NEGR1: variants seen among roughly 807,000 people sequenced by gnomAD.
NEGR1 encodes neuronal growth regulator 1.
In NEGR1, 10 loss-of-function variants were observed where a neutral mutation model predicts 40.9. The observed-to-expected ratio is 0.24, with a 90% CI of 0.15 to 0.42. The LOEUF (loss-of-function observed/expected upper bound fraction) is 0.42, where lower values mean the gene tolerates loss of function less well. Among genes scored for constraint, NEGR1 ranks in the 10% least tolerant of loss-of-function variants. The pLI, the probability that NEGR1 is intolerant of heterozygous loss-of-function variation, is 1.00. For missense variants in NEGR1, 352 were observed against 438.9 expected (o/e 0.80, Z 1.77); for synonymous variants, 185 against 166.8 (o/e 1.11, Z -0.84).
At position 72,053,244 on chromosome 1, in the gene NEGR1, G is replaced by C. The variant is rs528505353; in HGVS notation, c.177-117933C>G. Among the ~76,000 whole-genome samples the C allele has an allele frequency of 2.0e-5, 3 of 151,036 alleles. No homozygotes were observed. The South Asian group carries it at 6.3e-4, about 31-fold the overall frequency. Reference sequence around the variant, plus strand: ...TTTTTTTTAGGAGCCTGTGTTTGTAGGGCTCCCAGCAATGTGGAAAGACAT... The same window carrying C: ...TTTTTTTTAGGAGCCTGTGTTTGTACGGCTCCCAGCAATGTGGAAAGACAT... On this transcript the variant is annotated intron_variant, in intron 1 of 6. Transcript: ENST00000357731.
intron 6 of NEGR1, among the ~76,000 whole-genome samples, chr1:71,492,336 C>A (rs1368947341): frequency 4.6e-5 from 7 of 151,988 alleles, no homozygotes; most frequent in Non-Finnish European, 1.0e-4. Flanking sequence ...ATGGAAACTT[C>A]TGAACCATTT....
At chr1:72,175,655 T>C (rs1333953503) in intron 1 of NEGR1, among the ~76,000 whole-genome samples, 1 of 151,954 alleles carries the variant, frequency 6.6e-6, no homozygotes, top group Non-Finnish European at 1.5e-5. Context: ...GGTGTATGTT[T>C]CAAGCATGTG....
chr1:72,220,748 G>A (rs547762345), intron 1 of NEGR1, among the ~76,000 whole-genome samples: 4 of 152,080 alleles, frequency 2.6e-5, no homozygotes, highest in African/African-American at 9.6e-5. Flanking sequence ...AGCTAGTTTG[G>A]AAATGAACTA....
chr1:71,572,281 G>C (rs979817420), intron 6 of NEGR1, among the ~76,000 whole-genome samples: 2 of 152,180 alleles, frequency 1.3e-5, no homozygotes, highest in Non-Finnish European at 2.9e-5. Flanking sequence ...AAAGCAGGCT[G>C]TTGAGATTCT....
intron 1 of NEGR1, among the ~76,000 whole-genome samples, chr1:72,273,845 C>T (rs1192031295): frequency 6.7e-6 from 1 of 150,088 alleles, no homozygotes; most frequent in Non-Finnish European, 1.5e-5. Flanking sequence ...AAAAAAAAAA[C>T]ACTTAAATAC....
chr1:71,803,801 C>G (rs1657651502), intron 2 of NEGR1, among the ~76,000 whole-genome samples: 1 of 152,050 alleles, frequency 6.6e-6, no homozygotes, highest in Non-Finnish European at 1.5e-5. Flanking sequence ...GTTTCTTGTC[C>G]CTTCTTACTA....
chr1:72,150,492 T>G (rs1651079616), intron 1 of NEGR1, among the ~76,000 whole-genome samples: 1 of 152,190 alleles, frequency 6.6e-6, no homozygotes, highest in South Asian at 2.1e-4. Flanking sequence ...CAAACCAAAC[T>G]AAATGAGTTT....
At chr1:71,982,707 T>C (rs1189548665) in intron 1 of NEGR1, among the ~76,000 whole-genome samples, 1 of 152,082 alleles carries the variant, frequency 6.6e-6, no homozygotes, top group Non-Finnish European at 1.5e-5. Flanking sequence ...GAAACTCAAA[T>C]AGAGGGATAG....
At chr1:71,477,702 A>C (rs1646830259) in intron 6 of NEGR1, among the ~76,000 whole-genome samples, 1 of 152,012 alleles carries the variant, frequency 6.6e-6, no homozygotes, top group African/African-American at 2.4e-5. Flanking sequence ...GGTTTGTAGA[A>C]GGTAAATCTC....
chr1:71,952,957 G>GAAAA (rs3061534), intron 1 of NEGR1, among the ~76,000 whole-genome samples: 13 of 123,856 alleles, frequency 1.0e-4, no homozygotes, highest in African/African-American at 3.7e-4. Context: ...TACTGCTCAG[G>GAAAA]AAAAAAAAAA....
intron 6 of NEGR1, among the ~76,000 whole-genome samples, chr1:71,523,746 G>A (rs1647181311): frequency 6.6e-6 from 1 of 151,778 alleles, no homozygotes; most frequent in Admixed American, 6.6e-5. Flanking sequence ...GGGTTAAATA[G>A]GAAGCTTCTT....
intron 4 of NEGR1, among the ~76,000 whole-genome samples, chr1:71,659,288 C>T (rs962869064): frequency 1.3e-5 from 2 of 152,056 alleles, no homozygotes; most frequent in East Asian, 1.9e-4. Flanking sequence ...AAACTCAGAC[C>T]GCTCTTCAAT....
intron 1 of NEGR1, among the ~76,000 whole-genome samples, chr1:71,945,487 T>C (rs770642022): frequency 6.6e-6 from 1 of 152,188 alleles, no homozygotes; most frequent in Non-Finnish European, 1.5e-5. Context: ...AGCAAAACTT[T>C]ATTTTTCTAT....
intron 6 of NEGR1, among the ~76,000 whole-genome samples, chr1:71,502,070 T>A (rs1479267818): frequency 6.6e-6 from 1 of 152,082 alleles, no homozygotes; most frequent in African/African-American, 2.4e-5. Context: ...TTTGGTCATG[T>A]AAGAAAACAT....
intron 1 of NEGR1, among the ~76,000 whole-genome samples, chr1:71,948,073 C>T (rs921633435): frequency 1.4e-4 from 21 of 152,086 alleles, no homozygotes; most frequent in African/African-American, 4.3e-4. Context: ...CTGAAGAACA[C>T]GGACTTTTAA....
chr1:71,534,388 C>T (rs919382246), intron 6 of NEGR1, among the ~76,000 whole-genome samples: 4 of 151,588 alleles, frequency 2.6e-5, no homozygotes, highest in African/African-American at 4.8e-5. Flanking sequence ...ACATGTGTCC[C>T]GTTCTGCAGG....
chr1:71,650,048 A>C (rs1015648687), intron 4 of NEGR1, among the ~76,000 whole-genome samples: 2 of 152,192 alleles, frequency 1.3e-5, no homozygotes, highest in Non-Finnish European at 2.9e-5. Flanking sequence ...AAAAATGTGC[A>C]ACAAGGAGTT....
chr1:72,051,739 A>G (rs1389086877), intron 1 of NEGR1, among the ~76,000 whole-genome samples: 1 of 151,438 alleles, frequency 6.6e-6, no homozygotes, highest in East Asian at 1.9e-4. Context: ...ACTGTGACTC[A>G]CTATTTTCTA....
chr1:72,084,132 T>G (rs751093255), intron 1 of NEGR1, among the ~76,000 whole-genome samples: 3 of 152,164 alleles, frequency 2.0e-5, no homozygotes, highest in Non-Finnish European at 4.4e-5. Context: ...GTAACATATT[T>G]GAAATTATAG....
Sources: gnomAD v4.1 joint callset for allele counts (sites outside exome capture counted in the v4.1 genomes callset) on GRCh38, gnomAD v4.1.1 for gene constraint, MANE v1.5 for transcripts, NCBI Gene and HGNC (gene_info 2026-07-23, HGNC 2026-07-21) for gene names.